HDAC4: variants seen among roughly 807,000 people sequenced by gnomAD.
HDAC4 encodes histone deacetylase A.
HDAC4 carries 16 observed loss-of-function variants against 135.1 expected under a neutral mutation model. The observed-to-expected ratio is 0.12, with a 90% CI of 0.08 to 0.18. The LOEUF (loss-of-function observed/expected upper bound fraction) is 0.18. Ranked by LOEUF, HDAC4 falls within the 10% of genes least tolerant of loss-of-function variation. The probability of loss-of-function intolerance (pLI) is 1.00; values close to 1 mark genes in which losing one functional copy is unlikely to be tolerated. For missense variants in HDAC4, 1,143 were observed against 1,511.8 expected, an observed-to-expected ratio of 0.76 and a Z score of 4.05; for synonymous variants, 685 against 653.4, an observed-to-expected ratio of 1.05 and a Z score of -0.74.
chr2:239,066,620 G>A, intron 24 of HDAC4, 102 bp downstream of exon 24: 1 of 1,520,964 alleles, frequency 6.6e-7, no homozygotes, highest in Admixed American at 1.7e-5. Flanking sequence ...CGTGGTCAGA[G>A]ACCCACTGGC....
At chr2:239,301,292 G>A (rs1048959926) in intron 2 of HDAC4, among the ~76,000 whole-genome samples, 11 of 152,144 alleles carry the variant, frequency 7.2e-5, no homozygotes, top group Admixed American at 2.6e-4. Flanking sequence ...CGTATGCAGC[G>A]TGGGAACTGA....
chr2:239,282,673 G>C (rs2050866600), intron 2 of HDAC4, among the ~76,000 whole-genome samples: 1 of 142,262 alleles, frequency 7.0e-6, no homozygotes, highest in African/African-American at 2.7e-5. Context: ...ACTCTACAAT[G>C]TACACACCAC....
At chr2:239,135,428 A>G (rs977352365) in intron 9 of HDAC4, among the ~76,000 whole-genome samples, 46 of 152,224 alleles carry the variant, frequency 3.0e-4, no homozygotes, top group Non-Finnish European at 3.5e-4. Context: ...AGGAAGGGGA[A>G]GGCGCTCAGG....
intron 5 of HDAC4, among the ~76,000 whole-genome samples, chr2:239,168,085 T>C (rs2043222104): frequency 6.6e-6 from 1 of 152,216 alleles, no homozygotes; most frequent in Non-Finnish European, 1.5e-5. Flanking sequence ...GGCTTCTGCC[T>C]GAAAGTGCTC....
chr2:239,145,565 G>A (rs1174131800), intron 7 of HDAC4, among the ~76,000 whole-genome samples: 1 of 152,230 alleles, frequency 6.6e-6, no homozygotes, highest in Non-Finnish European at 1.5e-5. Flanking sequence ...AAACCCACCC[G>A]GGAGAGGTTA....
chr2:239,144,586 T>G lies in HDAC4; in HGVS notation c.862A>C (p.Thr288Pro). 1 of 1,613,876 alleles carries G rather than the reference T, an allele frequency of 6.2e-7. No individual in the cohort carries two copies. The highest frequency in any genetic ancestry group is 1.3e-5 in the African/African-American group (1 of 75,050). The change falls in exon 8 of 27, where the codon ACA becomes CCA. Residue 288 changes from threonine to proline, a missense_variant. Physicochemically the swap from Thr to Pro is conservative, Grantham distance 38. Around this residue, in one of 9 missense-constraint regions of HDAC4, gnomAD observed 272 missense variants for 309.7 expected, o/e 0.88. Transcript: ENST00000543185. ...TGTACCTGCTCAGCCGACATACCTG[T>G]GACATCCAACGGACGCTTTTTTAGA... ...TALKKRPLDV[T>P]DSACSSAPGS...
chr2:239,266,661 C>T (rs2049750523), intron 2 of HDAC4, among the ~76,000 whole-genome samples: 1 of 152,214 alleles, frequency 6.6e-6, no homozygotes, highest in Admixed American at 6.5e-5. Flanking sequence ...TCACAGCTCA[C>T]ATCCCACCCT....
At chr2:239,249,403 C>T (rs1386549667) in intron 2 of HDAC4, among the ~76,000 whole-genome samples, 4 of 152,230 alleles carry the variant, frequency 2.6e-5, no homozygotes, top group South Asian at 2.1e-4. Flanking sequence ...ATGGACTTGG[C>T]GTGGGTGTGC....
At chr2:239,311,516 G>C (rs2052877238) in intron 2 of HDAC4, among the ~76,000 whole-genome samples, 1 of 152,142 alleles carries the variant, frequency 6.6e-6, no homozygotes, top group South Asian at 2.1e-4. Flanking sequence ...AGTTGAAGAT[G>C]ACAGATTTAC....
chr2:239,197,052 C>T (rs1281186686), intron 3 of HDAC4, among the ~76,000 whole-genome samples: 1 of 152,218 alleles, frequency 6.6e-6, no homozygotes, highest in African/African-American at 2.4e-5. Context: ...TACCTTAAGT[C>T]TCCCGCTTCC....
At chr2:239,325,967 AT>A (rs200699985) in intron 2 of HDAC4, among the ~76,000 whole-genome samples, 152 of 152,260 alleles carry the variant, frequency 1.0e-3, no homozygotes, top group African/African-American at 3.5e-3. Flanking sequence ...TGAAAAAAAA[AT>A]AATAATAAAT....
intron 1 of HDAC4, among the ~76,000 whole-genome samples, chr2:239,360,959 G>A (rs1693827777): frequency 6.6e-6 from 1 of 152,188 alleles, no homozygotes; most frequent in Non-Finnish European, 1.5e-5. Flanking sequence ...GGTAAGGACA[G>A]GAAAGGCACC....
Position 239,281,392 on chromosome 2 carries a change from A to G in HDAC4, c.23-44728T>C, listed in dbSNP as rs549307316. On this transcript the variant is annotated intron_variant, in intron 2 of 26. Transcript: ENST00000543185. ...CCACTCTACACACCATGTACATGCC[A>G]CTCTACAATTTACCCACCACTCTAC... Among the ~76,000 whole-genome samples the G allele has an allele frequency of 2.4e-4, 34 of 141,226 alleles. 1 individual carries two copies. Among genetic ancestry groups the G allele is most frequent in the African/African-American group, 8.7e-4 (33 of 37,722 alleles). The allele number at this position is 141,226 out of a possible 152,430, so 92.6% of individuals were successfully genotyped here.
chr2:239,284,017 G>A (rs986642694), intron 2 of HDAC4, among the ~76,000 whole-genome samples: 1 of 152,206 alleles, frequency 6.6e-6, no homozygotes, highest in African/African-American at 2.4e-5. Flanking sequence ...GGGGCCCCCA[G>A]CCAGTCACAG....
In HDAC4 at chr2:239,161,925, G is replaced by A. The variant is rs2042820280; in HGVS notation, c.611+1878C>T. On this transcript the variant is annotated intron_variant, in intron 6 of 26. Coordinates refer to ENST00000543185, the MANE Select transcript of HDAC4 (RefSeq NM_001378414.1). ...TCCCGTGGCCTCCTTGACTGCAGGT[G>A]CAGCCTTTCCTTGGGCCTGCTGCTC... 11 of 367,182 alleles carry A rather than the reference G, an allele frequency of 3.0e-5. No homozygotes were observed. In the Admixed American group the frequency reaches 3.9e-4, roughly 13 times the overall value. 22.7% of individuals were successfully genotyped at this position (367,182 alleles called of 1,614,324 possible).
At position 239,115,283 on chromosome 2, in the gene HDAC4, G is replaced by T. The variant is rs1167101247; in HGVS notation, c.1561C>A (p.Arg521=). 1 of 1,613,310 alleles carries T rather than the reference G, an allele frequency of 6.2e-7. No homozygotes were observed. The highest frequency in any genetic ancestry group is 1.7e-5 in the Admixed American group (1 of 60,018). The change falls in exon 13 of 27, where the codon CGG becomes AGG. Residue 521 remains arginine, a synonymous_variant. Coordinates refer to ENST00000543185, the MANE Select transcript of HDAC4 (RefSeq NM_001378414.1). This position sits in a 1 kb window ranked among gnomAD's most constrained non-coding sequence, Gnocchi z 6.3. ...KIIPKPSEPA[R]QPESHPEETE... ...TCCTCCGGGTGGCTCTCCGGCTGCC[G>T]GGCTGGCTCGCTTGGCTTGGGGATG...
At chr2:239,124,861 G>T (rs1338669244) in intron 12 of HDAC4, among the ~76,000 whole-genome samples, 1 of 86,110 alleles carries the variant, frequency 1.2e-5, no homozygotes, top group Non-Finnish European at 2.4e-5. Flanking sequence ...TGACATTCTG[G>T]TGTGCTGGCG....
chr2:239,149,350 G>C (rs2041961902), intron 7 of HDAC4, among the ~76,000 whole-genome samples: 1 of 151,064 alleles, frequency 6.6e-6, no homozygotes, highest in Non-Finnish European at 1.5e-5. Context: ...TCTCACTTGG[G>C]CGACAGAGCG....
At chr2:239,181,761 G>C (rs2153017875) in intron 4 of HDAC4, among the ~76,000 whole-genome samples, 1 of 152,312 alleles carries the variant, frequency 6.6e-6, no homozygotes, top group Non-Finnish European at 1.5e-5. Flanking sequence ...CTCCGTGCTG[G>C]GTTAAATGTG....
Sources: gnomAD v4.1 joint callset for allele counts (sites outside exome capture counted in the v4.1 genomes callset) on GRCh38, gnomAD v4.1.1 for gene constraint, gnomAD v4.1.1 regional missense constraint, Gnocchi (gnomAD v3.1) non-coding constraint, MANE v1.5 for transcripts, NCBI Gene and HGNC (gene_info 2026-07-23, HGNC 2026-07-21) for gene names.